Variants in GLIS3 observed in about 807,000 individuals in gnomAD.
GLIS3 encodes zinc finger protein GLIS3.
In GLIS3, 53 loss-of-function variants were observed where a neutral mutation model predicts 78.6. The observed-to-expected ratio is 0.67, with a 90% CI of 0.54 to 0.85. The LOEUF (loss-of-function observed/expected upper bound fraction) is 0.85, where lower values mean the gene tolerates loss of function less well. GLIS3 is among the 40% of genes least tolerant of loss of function. The pLI, the probability that GLIS3 is intolerant of heterozygous loss-of-function variation, is 0.00. For missense variants in GLIS3, 1,703 were observed against 1,231.1 expected (o/e 1.38, Z -5.74); for synonymous variants, 684 against 509.9 (o/e 1.34, Z -4.60).
the GLIS3 span, among the ~76,000 whole-genome samples, chr9:4,372,710 A>AG: frequency 5.9e-5 from 9 of 152,348 alleles, no homozygotes; most frequent in African/African-American, 2.2e-4. Flanking sequence ...ATCTGCTTAA[A>AG]TACATGATTT....
At chr9:4,094,817 A>C (rs1829810199) in intron 4 of GLIS3, among the ~76,000 whole-genome samples, 2 of 152,216 alleles carry the variant, frequency 1.3e-5, no homozygotes, top group African/African-American at 4.8e-5. Context: ...TTTGGCTCAC[A>C]AACTAGGACA....
At chr9:3,890,823 CA>C (rs1294255324) in intron 7 of GLIS3, among the ~76,000 whole-genome samples, 52 of 152,236 alleles carry the variant, frequency 3.4e-4, no homozygotes, top group Non-Finnish European at 5.9e-5. Context: ...TAGTAACCAT[CA>C]AAACACAATT....
At chr9:4,275,112 G>T (rs1826863330) in intron 2 of GLIS3, among the ~76,000 whole-genome samples, 1 of 152,124 alleles carries the variant, frequency 6.6e-6, no homozygotes, top group African/African-American at 2.4e-5. Context: ...TGGGTTTAAA[G>T]ACTTCATATA....
intron 2 of GLIS3, among the ~76,000 whole-genome samples, chr9:4,264,113 G>T (rs753549801): frequency 6.6e-6 from 1 of 152,122 alleles, no homozygotes; most frequent in East Asian, 1.9e-4. Context: ...ATTATTTTCA[G>T]AACAGAAACC....
At chr9:4,280,298 C>T (rs1587286431) in intron 2 of GLIS3, among the ~76,000 whole-genome samples, 1 of 152,238 alleles carries the variant, frequency 6.6e-6, no homozygotes, top group African/African-American at 2.4e-5. Flanking sequence ...GCTGGGACTA[C>T]AGGTGTGAGC....
rs781218647 is a variant in GLIS3, at chr9:4,118,424, G to A, written c.1054C>T (p.Leu352=). ...GGAATGCAGCTGCCGCGCACGCCCA[G>A]GAAATGCCCGTAGACCTCCGGCTGC... ...SPQPEVYGHF[L]GVRGSCIPQP... Residue 352 remains leucine (L), a synonymous_variant, in exon 4 of 11, where the codon CTG becomes TTG. Transcript: ENST00000381971. This position sits in a 1 kb window ranked among gnomAD's most constrained non-coding sequence, Gnocchi z 4.7. The A allele has an allele frequency of 4.3e-6, 7 of 1,610,682 alleles. No homozygotes were observed. Among genetic ancestry groups the A allele is most frequent in the Non-Finnish European group, 5.9e-6 (7 of 1,179,934 alleles).
At chr9:3,879,371 T>C in intron 8 of GLIS3, 56 bp downstream of exon 8, 2 of 1,540,044 alleles carry the variant, frequency 1.3e-6, no homozygotes, top group South Asian at 2.2e-5. Flanking sequence ...GGCACTTGTC[T>C]GTGAAGGGAG....
Position 4,117,757 on chromosome 9 carries a change from C to T in GLIS3, c.1710+11G>A, listed in dbSNP as rs979151650. The T allele has an allele frequency of 2.7e-5, 43 of 1,614,058 alleles. No individual in the cohort carries two copies. Among genetic ancestry groups the T allele is most frequent in the Non-Finnish European group, 3.1e-5 (37 of 1,180,034 alleles). On this transcript the variant is annotated intron_variant, in intron 4 of 10. Transcript: ENST00000381971. Reference sequence around the variant, plus strand: ...TCAAGAGAGGTCACCCCTTGCGCTTCGGAAACTCACCGTACACTTGTTGGG... The same window carrying T: ...TCAAGAGAGGTCACCCCTTGCGCTTTGGAAACTCACCGTACACTTGTTGGG...
chr9:3,888,829 ATAAT>A (rs949584440), intron 7 of GLIS3, among the ~76,000 whole-genome samples: 53 of 152,296 alleles, frequency 3.5e-4, no homozygotes, highest in African/African-American at 1.3e-3. Context: ...ATTTTTTCAA[ATAAT>A]TTTTATGTAA....
chr9:4,420,209 G>A, the GLIS3 span, among the ~76,000 whole-genome samples: 4 of 152,276 alleles, frequency 2.6e-5, no homozygotes, highest in Non-Finnish European at 5.9e-5. Flanking sequence ...TGAAGAGGGG[G>A]CCACATGGAG....
At chr9:4,471,514 C>T in the GLIS3 span, among the ~76,000 whole-genome samples, 1 of 152,064 alleles carries the variant, frequency 6.6e-6, no homozygotes, top group African/African-American at 2.4e-5. Context: ...GAAAGGATTC[C>T]CTATTTAATA....
At chr9:4,352,487 G>C (rs1038757970), upstream of GLIS3, among the ~76,000 whole-genome samples, 5 of 152,264 alleles carry the variant, frequency 3.3e-5, no homozygotes, top group East Asian at 9.6e-4. Context: ...GTAAACCCAA[G>C]GGCCTTCCCT....
chr9:3,921,638 A>G (rs1824896970), intron 6 of GLIS3, among the ~76,000 whole-genome samples: 1 of 152,196 alleles, frequency 6.6e-6, no homozygotes, highest in Non-Finnish European at 1.5e-5. Context: ...ATGTAAAAAT[A>G]TATCTATAGT....
chr9:4,186,684 T>C lies in GLIS3; in HGVS notation c.389-60743A>G, dbSNP rs1037457038. Among the ~76,000 whole-genome samples the C allele has an allele frequency of 9.9e-5, 15 of 151,712 alleles. 1 individual carries two copies. The highest frequency in any genetic ancestry group is 7.8e-4 in the East Asian group (4 of 5,152). ...TGTTGTTTCCTGACTTTTTAATGAT[T>C]GCCATTCTAACTGGTGTGAGATGGT... On this transcript the variant is annotated intron_variant, in intron 2 of 10. Coordinates refer to ENST00000381971, the MANE Select transcript of GLIS3 (RefSeq NM_001042413.2).
intron 4 of GLIS3, among the ~76,000 whole-genome samples, chr9:4,018,901 T>A (rs1436350289): frequency 6.6e-6 from 1 of 152,180 alleles, no homozygotes; most frequent in Non-Finnish European, 1.5e-5. Context: ...GTGTGAATAA[T>A]CTTTGAATGT....
At chr9:4,195,621 GC>G (rs1230668025) in intron 2 of GLIS3, among the ~76,000 whole-genome samples, 2 of 152,264 alleles carry the variant, frequency 1.3e-5, no homozygotes, top group Admixed American at 6.5e-5. Flanking sequence ...AGATGGGCAC[GC>G]CCCCTGTTCC....
intron 2 of GLIS3, among the ~76,000 whole-genome samples, chr9:4,224,868 A>G (rs924919216): frequency 2.6e-5 from 4 of 152,112 alleles, no homozygotes; most frequent in African/African-American, 9.7e-5. Context: ...AACACTGTCA[A>G]TATACCAACC....
At chr9:4,084,317 C>A (rs1221652349) in intron 4 of GLIS3, among the ~76,000 whole-genome samples, 1 of 146,432 alleles carries the variant, frequency 6.8e-6, no homozygotes, top group Non-Finnish European at 1.5e-5. Context: ...TCCCCTTAAA[C>A]TTAGAGGGGC....
At chr9:4,431,304 G>C in the GLIS3 span, among the ~76,000 whole-genome samples, 3 of 152,308 alleles carry the variant, frequency 2.0e-5, no homozygotes, top group East Asian at 5.8e-4. Flanking sequence ...CATCCAGATA[G>C]TTAGCATCCT....
Sources: allele counts gnomAD v4.1 joint callset (sites outside exome capture counted in the v4.1 genomes callset), GRCh38; gene constraint gnomAD v4.1.1; non-coding constraint Gnocchi (gnomAD v3.1); transcripts MANE v1.5; gene names NCBI Gene and HGNC (gene_info 2026-07-23, HGNC 2026-07-21).